The following BRINP3 variants were observed in gnomAD, a reference collection of about 807,000 sequenced individuals.
BRINP3 encodes the protein BMP/retinoic acid inducible neural specific 3, also known as BMP/retinoic acid-inducible neural-specific protein 3.
In BRINP3, 19 loss-of-function variants were observed where a neutral mutation model predicts 71.0. That is an observed-to-expected ratio of 0.27 (90% CI 0.19 to 0.39). BRINP3 has a LOEUF of 0.39. Among genes scored for constraint, BRINP3 ranks in the 10% least tolerant of loss-of-function variants. The pLI is 1.00. For missense variants in BRINP3, 959 were observed against 940.8 expected, an observed-to-expected ratio of 1.02 and a Z score of -0.25; for synonymous variants, 380 against 337.7, an observed-to-expected ratio of 1.13 and a Z score of -1.37.
At chr1:190,369,862 C>G (rs1236047128) in intron 2 of BRINP3, among the ~76,000 whole-genome samples, 1 of 151,854 alleles carries the variant, frequency 6.6e-6, no homozygotes, top group East Asian at 1.9e-4. Context: ...AATGTTTAAA[C>G]TAATAATTAA....
chr1:190,442,906 C>CT (rs757648847), intron 2 of BRINP3, among the ~76,000 whole-genome samples: 4,786 of 101,548 alleles, frequency 0.047, 260 homozygotes, highest in East Asian at 0.12. Context: ...GTCTCTGTAT[C>CT]TTTTTTTTTT....
At chr1:190,365,288 C>T (rs1435313844) in intron 2 of BRINP3, among the ~76,000 whole-genome samples, 2 of 151,904 alleles carry the variant, frequency 1.3e-5, no homozygotes, top group African/African-American at 4.8e-5. Flanking sequence ...GTAAAAGAGG[C>T]ATTGTGTTCA....
intron 6 of BRINP3, among the ~76,000 whole-genome samples, chr1:190,207,861 A>T (rs1655647439): frequency 6.6e-6 from 1 of 152,134 alleles, no homozygotes; most frequent in African/African-American, 2.4e-5. Flanking sequence ...CACAGCCTTG[A>T]TAAGAAGTTG....
At chr1:190,288,578 A>G (rs1021302593) in intron 2 of BRINP3, among the ~76,000 whole-genome samples, 3 of 151,948 alleles carry the variant, frequency 2.0e-5, no homozygotes, top group Non-Finnish European at 1.5e-5. Flanking sequence ...CACCTCATCT[A>G]TGATCATGGG....
At chr1:190,335,238 A>T (rs1029115929) in intron 2 of BRINP3, among the ~76,000 whole-genome samples, 1 of 151,884 alleles carries the variant, frequency 6.6e-6, no homozygotes, top group African/African-American at 2.4e-5. Context: ...TGAACTGAAG[A>T]TTAAACAACT....
chr1:190,401,656 A>T (rs1257327752), intron 2 of BRINP3, among the ~76,000 whole-genome samples: 1 of 152,100 alleles, frequency 6.6e-6, no homozygotes, highest in Non-Finnish European at 1.5e-5. Context: ...TCTCAAGTCC[A>T]TCAAAGTGTG....
chr1:190,273,944 T>C (rs1014385093), intron 3 of BRINP3, among the ~76,000 whole-genome samples: 6 of 151,568 alleles, frequency 4.0e-5, no homozygotes, highest in Non-Finnish European at 8.9e-5. Context: ...TCATGATCCA[T>C]TGTAGAGAAC....
At chr1:190,174,090 T>G (rs1338039349) in intron 6 of BRINP3, among the ~76,000 whole-genome samples, 1 of 152,198 alleles carries the variant, frequency 6.6e-6, no homozygotes, top group East Asian at 1.9e-4. Context: ...GAAGTACGGC[T>G]GCAAAGAATA....
intron 7 of BRINP3, among the ~76,000 whole-genome samples, chr1:190,133,845 T>C (rs1468905985): frequency 6.6e-6 from 1 of 152,038 alleles, no homozygotes; most frequent in African/African-American, 2.4e-5. Flanking sequence ...ATTCATAAAA[T>C]GAGGCAGGGT....
chr1:190,150,502 T>C (rs769079128), intron 7 of BRINP3, among the ~76,000 whole-genome samples: 14 of 152,166 alleles, frequency 9.2e-5, no homozygotes, highest in Non-Finnish European at 1.9e-4. Flanking sequence ...CCCCACTGCA[T>C]TGAGCAAGTT....
intron 2 of BRINP3, among the ~76,000 whole-genome samples, chr1:190,302,318 T>A (rs1664797054): frequency 6.7e-6 from 1 of 148,946 alleles, no homozygotes; most frequent in African/African-American, 2.4e-5. Flanking sequence ...TTGTAGAAGT[T>A]GTCAAACACA....
At position 190,289,164 on chromosome 1, in the gene BRINP3, G is replaced by C. The variant is rs1418205373; in HGVS notation, c.237-7414C>G. 2.0e-5 allele frequency among the ~76,000 whole-genome samples: 3 copies of C among 151,746 alleles called. No homozygotes were observed. In the East Asian group the frequency reaches 5.8e-4, roughly 29 times the overall value. ...ATGAAGGATTTTTTAAAGAATAACT[G>C]CATTTCTAGTGACAATAAATATAAA... On this transcript the variant is annotated intron_variant, in intron 2 of 7. Coordinates refer to ENST00000367462, the MANE Select transcript of BRINP3 (RefSeq NM_199051.3).
chr1:190,108,201 T>C (rs907717661), intron 7 of BRINP3, among the ~76,000 whole-genome samples: 1 of 152,102 alleles, frequency 6.6e-6, no homozygotes, highest in African/African-American at 2.4e-5. Flanking sequence ...AAGAGCTTTA[T>C]ATTAACATTT....
intron 2 of BRINP3, among the ~76,000 whole-genome samples, chr1:190,406,764 T>TA (rs1317118464): frequency 3.9e-5 from 6 of 152,140 alleles, no homozygotes; most frequent in African/African-American, 1.4e-4. Context: ...ATAATTGACC[T>TA]AACAGATGTT....
At chr1:190,172,221 G>A (rs2102500417) in intron 6 of BRINP3, among the ~76,000 whole-genome samples, 1 of 149,548 alleles carries the variant, frequency 6.7e-6, no homozygotes, top group East Asian at 2.0e-4. Context: ...CAGTGATTTG[G>A]GTGACAAATA....
intron 2 of BRINP3, among the ~76,000 whole-genome samples, chr1:190,353,819 C>A (rs1165464233): frequency 6.6e-6 from 1 of 152,020 alleles, no homozygotes; most frequent in Non-Finnish European, 1.5e-5. Context: ...ACCATCTCCA[C>A]ATACACTACC....
In BRINP3 at chr1:190,225,981, C is replaced by A. The variant is rs1322280088; in HGVS notation, c.961+101G>T. On this transcript the variant is annotated intron_variant, in intron 6 of 7. Transcript: ENST00000367462. The stretch of plus-strand genomic sequence containing the variant: ...TTTGAAAGAATAAAAAAATGAAAAT[C>A]TTTCCAACTATGTAATAGTTTCTTG... 8.8e-5 allele frequency: 70 copies of A among 791,092 alleles called. 1 individual carries two copies. The South Asian group carries it at 1.4e-3, about 15-fold the overall frequency. The allele number at this position is 791,092 out of a possible 1,614,324, so 49.0% of individuals were successfully genotyped here.
intron 3 of BRINP3, among the ~76,000 whole-genome samples, chr1:190,265,539 A>AATATATATATATATATATAT (rs36099005): frequency 2.6e-3 from 358 of 139,180 alleles, no homozygotes; most frequent in African/African-American, 8.9e-3. Context: ...GTCTCTACTA[A>AATATATATATATATATATAT]ATATATATAT....
rs112904072 is a variant in BRINP3, at chr1:190,376,114, A to T, written c.236+78541T>A. On this transcript the variant is annotated intron_variant, in intron 2 of 7. Coordinates refer to ENST00000367462, the MANE Select transcript of BRINP3 (RefSeq NM_199051.3). ...ACAGAACAGTGTAACTACAGAACTA[A>T]TTCTGCCTCTTCAGGGTTTAGTAGG... 5.2e-3 allele frequency among the ~76,000 whole-genome samples: 788 copies of T among 152,048 alleles called. 7 individuals are homozygous for T. The highest frequency in any genetic ancestry group is 0.018 in the African/African-American group (737 of 41,544).
Sources: allele counts gnomAD v4.1 joint callset (sites outside exome capture counted in the v4.1 genomes callset), GRCh38; gene constraint gnomAD v4.1.1; transcripts MANE v1.5; gene names NCBI Gene and HGNC (gene_info 2026-07-23, HGNC 2026-07-21).